The following TTLL6 variants were observed in gnomAD, a reference collection of about 807,000 sequenced individuals.
TTLL6 encodes the protein tubulin tyrosine ligase like 6.
A neutral mutation model predicts 96.4 loss-of-function variants in TTLL6; 75 were observed. That is an observed-to-expected ratio of 0.78 (90% CI 0.65 to 0.94). The LOEUF is 0.94. Among genes scored for constraint, TTLL6 ranks in the 40% least tolerant of loss-of-function variants. TTLL6 has a pLI of 0.00. For synonymous variants in TTLL6, 411 were observed against 419.4 expected, an observed-to-expected ratio of 0.98 and a Z score of 0.24; for missense variants, 1,030 against 1,093.0, an observed-to-expected ratio of 0.94 and a Z score of 0.81.
chr17:48,808,374 A>ATATG (rs150374619), intron 1 of TTLL6, among the ~76,000 whole-genome samples: 2 of 148,706 alleles, frequency 1.3e-5, no homozygotes, highest in African/African-American at 4.9e-5. Context: ...TCTCATATGT[A>ATATG]TGTGTGTGTG....
intron 9 of TTLL6, among the ~76,000 whole-genome samples, 194 bp downstream of exon 9, chr17:48,791,184 T>G (rs933772967): frequency 2.0e-5 from 3 of 152,120 alleles, no homozygotes; most frequent in Admixed American, 6.6e-5. Flanking sequence ...AAAGGAATTC[T>G]CTAATTCCCA....
chr17:48,796,659 G>A (rs1479868967), intron 7 of TTLL6, among the ~76,000 whole-genome samples: 1 of 152,012 alleles, frequency 6.6e-6, no homozygotes, highest in African/African-American at 2.4e-5. Flanking sequence ...CTGAGATTGG[G>A]TGGTGCCCAG....
At chr17:48,779,033 T>C (rs2038937018) in intron 13 of TTLL6, among the ~76,000 whole-genome samples, 1 of 151,648 alleles carries the variant, frequency 6.6e-6, no homozygotes, top group South Asian at 2.1e-4. Flanking sequence ...CTCAGGAATT[T>C]GAGGTTGCAG....
intron 1 of TTLL6, among the ~76,000 whole-genome samples, chr17:48,810,821 GTGTGTATATATA>G (rs1354515110): frequency 5.8e-5 from 3 of 51,676 alleles, no homozygotes; most frequent in African/African-American, 9.4e-5. Flanking sequence ...TATAGTATGT[GTGTGTATATATA>G]TATATATATA....
intron 1 of TTLL6, 127 bp from the exon 2 acceptor site, chr17:48,805,118 A>G: frequency 1.4e-6 from 1 of 737,740 alleles, no homozygotes; most frequent in Non-Finnish European, 2.2e-6. Context: ...ATAAAATGCC[A>G]CCCGGCCTCC....
At chr17:48,777,714 G>A (rs2038903916) in intron 13 of TTLL6, among the ~76,000 whole-genome samples, 1 of 148,482 alleles carries the variant, frequency 6.7e-6, no homozygotes. Context: ...CTGGGCGACA[G>A]AGTGAGACTC....
rs963871060 is a variant in TTLL6 at position 48,770,038 on chromosome 17, C to T, written c.2100G>A (p.Lys700=). 3 of 1,613,984 alleles carry T rather than the reference C, an allele frequency of 1.9e-6. No homozygotes were observed. The highest frequency in any genetic ancestry group is 2.5e-6 in the Non-Finnish European group (3 of 1,179,936). Reference sequence around the variant, plus strand: ...CGGTCACAGCCAGGGTTGGCGGAGACTTTGGGGAGATTGAGAGTTGGGTGG... The same window carrying T: ...CGGTCACAGCCAGGGTTGGCGGAGATTTTGGGGAGATTGAGAGTTGGGTGG... ...ESTTQLSISP[K]SPPTLAVTAS... The change falls in exon 14 of 16, where the codon AAG becomes AAA. Residue 700 remains lysine (K), a synonymous_variant. Coordinates refer to ENST00000393382, the MANE Select transcript of TTLL6 (RefSeq NM_001130918.3).
At chr17:48,788,802 T>C (rs551028348) in intron 10 of TTLL6, among the ~76,000 whole-genome samples, 2 of 152,282 alleles carry the variant, frequency 1.3e-5, no homozygotes, top group South Asian at 2.1e-4. Flanking sequence ...ACCCGCTCCT[T>C]ACAGGGAAGA....
chr17:48,770,903 A>T lies in TTLL6; in HGVS notation c.2041-806T>A, dbSNP rs117032776. ...ATTGTCCTCCAGCCTGGGTGACAAGAGTGAAATTCTGTCTCAAAAACAAAC... is the reference window on the plus strand; with the variant it reads ...ATTGTCCTCCAGCCTGGGTGACAAGTGTGAAATTCTGTCTCAAAAACAAAC... On this transcript the variant is annotated intron_variant, in intron 13 of 15. Transcript: ENST00000393382. Among the ~76,000 whole-genome samples the T allele has an allele frequency of 1.1e-3, 171 of 151,868 alleles. 2 individuals carry two copies. The East Asian group carries it at 0.026, about 23-fold the overall frequency.
intron 10 of TTLL6, 80 bp from the exon 11 acceptor site, chr17:48,788,079 C>A: frequency 1.4e-6 from 2 of 1,381,772 alleles, no homozygotes; most frequent in South Asian, 1.4e-5. Flanking sequence ...AGCTGGAGGT[C>A]GTCTAGGGCC....
In TTLL6 at chr17:48,799,692, C is replaced by T. The variant is rs1339440651; in HGVS notation, c.680G>A (p.Gly227Asp). 6.4e-7 allele frequency: 1 copy of T among 1,551,784 alleles called. No individual in the cohort carries two copies. The highest frequency in any genetic ancestry group is 1.2e-5 in the South Asian group (1 of 84,062). The change falls in exon 6 of 16, where the codon GGC (glycine) becomes GAC (aspartate). Residue 227 changes from glycine to aspartate, a missense_variant. Physicochemically the swap from Gly to Asp is moderately conservative, Grantham distance 94 (BLOSUM62 -1). Coordinates refer to ENST00000393382, the MANE Select transcript of TTLL6 (RefSeq NM_001130918.3). The part of the protein sequence containing the change: ...NKTYICKPDS[G>D]CQGKGIFITR... Reference sequence around the variant, plus strand: ...GATGAATATACCTTTCCCTTGGCAGCCCGAATCCGGCTTACAAATGTATGT... The same window carrying T: ...GATGAATATACCTTTCCCTTGGCAGTCCGAATCCGGCTTACAAATGTATGT...
At chr17:48,805,751 T>C (rs6504580) in intron 1 of TTLL6, among the ~76,000 whole-genome samples, 14,413 of 152,088 alleles carry the variant, frequency 0.095, 871 homozygotes, top group Non-Finnish European at 0.13. Flanking sequence ...GGCGGGCAGA[T>C]CATTTGAGGT....
chr17:48,804,043 T>C lies in TTLL6; in HGVS notation c.324-115A>G, dbSNP rs1378514651. ...GAGCTGTCTGAAATCTAGCCTGCCA[T>C]GCTAAGCCTGGTTTGACCGTCCCTG... On this transcript the variant is annotated intron_variant, in intron 2 of 15. Transcript: ENST00000393382. The C allele has an allele frequency of 2.4e-6, 3 of 1,247,968 alleles. No individual in the cohort carries two copies. In the African/African-American group the frequency reaches 4.5e-5, roughly 19 times the overall value. The allele number at this position is 1,247,968 out of a possible 1,614,324, so 77.3% of individuals were successfully genotyped here.
rs560933521 is a variant in TTLL6 at position 48,817,205 on chromosome 17, G to A, written c.-133C>T. 1.2e-5 allele frequency: 7 copies of A among 572,282 alleles called. No individual in the cohort carries two copies. The African/African-American group carries it at 1.4e-4, about 11-fold the overall frequency. The allele number at this position is 572,282 out of a possible 1,614,324, so 35.5% of individuals were successfully genotyped here. A position where few individuals can be genotyped will look rare whatever the true frequency, so the allele number is the denominator to read the frequency against. ...GTAGCTGCCATGCCCCCTCCCTCCCGAATCCAATTAACCGCCCAGGCGCTA... is the reference window on the plus strand; with the variant it reads ...GTAGCTGCCATGCCCCCTCCCTCCCAAATCCAATTAACCGCCCAGGCGCTA... On this transcript the variant is annotated 5_prime_UTR_variant, in exon 1 of 16. Coordinates refer to ENST00000393382, the MANE Select transcript of TTLL6 (RefSeq NM_001130918.3).
At chr17:48,763,004 T>C (rs893010706) in intron 15 of TTLL6, 31 bp from the exon 16 acceptor site, 1 of 438,304 alleles carries the variant, frequency 2.3e-6, no homozygotes, top group African/African-American at 2.1e-5. Flanking sequence ...TTTTAGATTT[T>C]CCTTTAAAAT....
At chr17:48,798,924 G>A (rs950168362) in intron 6 of TTLL6, among the ~76,000 whole-genome samples, 1 of 150,628 alleles carries the variant, frequency 6.6e-6, no homozygotes, top group Admixed American at 6.6e-5. Flanking sequence ...CCACTTCCCG[G>A]GCTCAAGCAA....
At chr17:48,768,511 C>T (rs1301174431) in intron 15 of TTLL6, among the ~76,000 whole-genome samples, 1 of 152,012 alleles carries the variant, frequency 6.6e-6, no homozygotes, top group Non-Finnish European at 1.5e-5. Context: ...ACCTCGTGAT[C>T]CACCCACCTC....
At chr17:48,811,889 C>T (rs532107191) in intron 1 of TTLL6, among the ~76,000 whole-genome samples, 19 of 152,094 alleles carry the variant, frequency 1.2e-4, no homozygotes, top group African/African-American at 2.9e-4. Context: ...TTAGTAGAGA[C>T]GGGGTTTTGC....
chr17:48,809,528 G>A (rs2039550156), intron 1 of TTLL6, among the ~76,000 whole-genome samples: 1 of 152,172 alleles, frequency 6.6e-6, no homozygotes, highest in Non-Finnish European at 1.5e-5. Flanking sequence ...CCTTGCCTGA[G>A]TGGTAAGAAC....
Sources: allele counts gnomAD v4.1 joint callset (sites outside exome capture counted in the v4.1 genomes callset), GRCh38; gene constraint gnomAD v4.1.1; transcripts MANE v1.5; gene names NCBI Gene and HGNC (gene_info 2026-07-23, HGNC 2026-07-21).